The following USP4 variants were observed in gnomAD, a reference collection of about 807,000 sequenced individuals.
USP4 encodes ubiquitin carboxyl-terminal hydrolase 4.
In USP4, 72 loss-of-function variants were observed where a neutral mutation model predicts 118.2. The observed-to-expected ratio is 0.61, with a 90% CI of 0.50 to 0.74. The LOEUF (loss-of-function observed/expected upper bound fraction) is 0.74, where lower values mean the gene tolerates loss of function less well. Ranked by LOEUF, USP4 falls within the 30% of genes least tolerant of loss-of-function variation. USP4 has a pLI of 0.00. For synonymous variants in USP4, 415 were observed against 440.4 expected (o/e 0.94, Z 0.72); for missense variants, 1,037 against 1,185.7 (o/e 0.87, Z 1.84).
chr3:49,278,773 A>G (rs1448589074), intron 21 of USP4, 41 bp downstream of exon 21: 2 of 1,447,362 alleles, frequency 1.4e-6, no homozygotes, highest in Non-Finnish European at 1.9e-6. Context: ...GCTTTAATCC[A>G]TAACGACATG....
chr3:49,288,880 C>T (rs889648781), intron 15 of USP4, among the ~76,000 whole-genome samples: 5 of 152,036 alleles, frequency 3.3e-5, no homozygotes, highest in Non-Finnish European at 5.9e-5. Flanking sequence ...GAGGTTGAGG[C>T]AGATGGATTG....
At chr3:49,289,025 T>C (rs954658636) in intron 15 of USP4, among the ~76,000 whole-genome samples, 4 of 151,996 alleles carry the variant, frequency 2.6e-5, no homozygotes, top group African/African-American at 9.7e-5. Flanking sequence ...GTGGGAGGAT[T>C]GCTTGAACCC....
At chr3:49,325,892 G>A (rs1429317755) in intron 3 of USP4, 47 bp from the exon 4 acceptor site, 1 of 1,605,708 alleles carries the variant, frequency 6.2e-7, no homozygotes, top group Non-Finnish European at 8.5e-7. Context: ...TTGCAGCTGG[G>A]CAGTCTTGGA....
At chr3:49,284,672 A>G in intron 17 of USP4, 88 bp from the exon 18 acceptor site, 1 of 1,283,582 alleles carries the variant, frequency 7.8e-7, no homozygotes, top group Non-Finnish European at 1.1e-6. Flanking sequence ...TCCCACCTGG[A>G]ATGTAGTACA....
At chr3:49,314,742 C>T (rs2047418651) in intron 6 of USP4, among the ~76,000 whole-genome samples, 1 of 152,092 alleles carries the variant, frequency 6.6e-6, no homozygotes, top group Non-Finnish European at 1.5e-5. Context: ...GGGCAAAAAT[C>T]GGCCGGGCCT....
intron 6 of USP4, chr3:49,316,828 G>C (rs556830691): frequency 1.8e-6 from 1 of 544,448 alleles, no homozygotes; most frequent in African/African-American, 1.9e-5. Flanking sequence ...CAGGAGTGTG[G>C]GTGCCGCAGA....
rs749621258 is a variant in USP4 at position 49,324,976 on chromosome 3, C to T, written c.551G>A (p.Trp184Ter). The T allele has an allele frequency of 5.0e-6, 8 of 1,613,912 alleles. No homozygotes were observed. The highest frequency in any genetic ancestry group is 6.8e-6 in the Non-Finnish European group (8 of 1,180,018). The change falls in exon 5 of 22, where the codon TGG becomes TAG. Residue 184 changes from tryptophan (W) to a stop codon, truncating the protein, a stop_gained. Transcript: ENST00000265560. LOFTEE classifies it high-confidence loss of function. Reference protein sequence around the residue: ...NIPAERETRLWNKYMSNTYEQ... With the variant: ...NIPAERETRL Reference sequence around the variant, plus strand: ...GTAGGTGTTGCTCATGTATTTGTTCCAGAGCCGTGTTTCACGCTCCGCAGG... The same window carrying T: ...GTAGGTGTTGCTCATGTATTTGTTCTAGAGCCGTGTTTCACGCTCCGCAGG...
At chr3:49,286,816 CTCTATCTATCTATCTATCTATCTA>C (rs57920190) in intron 15 of USP4, among the ~76,000 whole-genome samples, 1 of 141,230 alleles carries the variant, frequency 7.1e-6, no homozygotes, top group Non-Finnish European at 1.5e-5. Flanking sequence ...ACTCTAGCCA[CTCTATCTATCTATCTATCTATCTA>C]TCTATCTATC....
intron 5 of USP4, 44 bp downstream of exon 5, chr3:49,324,850 C>G (rs1170965601): frequency 1.2e-6 from 2 of 1,613,988 alleles, no homozygotes; most frequent in Admixed American, 3.3e-5. Flanking sequence ...GGCCACACAC[C>G]CTGGGCAGAG....
At chr3:49,305,203 G>C (rs2047301433) in intron 9 of USP4, among the ~76,000 whole-genome samples, 1 of 148,780 alleles carries the variant, frequency 6.7e-6, no homozygotes, top group African/African-American at 2.5e-5. Flanking sequence ...CTCCCGAGTA[G>C]CTGGGACTAC....
At chr3:49,316,186 G>C (rs2047433696) in intron 6 of USP4, among the ~76,000 whole-genome samples, 1 of 152,092 alleles carries the variant, frequency 6.6e-6, no homozygotes, top group Non-Finnish European at 1.5e-5. Context: ...TGGGAAATGA[G>C]AGCGAGACTT....
At position 49,278,107 on chromosome 3, in the gene USP4, C is replaced by A; in HGVS notation, c.*186G>T. 1.5e-6 allele frequency: 1 copy of A among 652,370 alleles called. No individual in the cohort carries two copies. The highest frequency in any genetic ancestry group is 2.4e-6 in the Non-Finnish European group (1 of 416,672). 40.4% of individuals were successfully genotyped at this position (652,370 alleles called of 1,614,324 possible). A position where few individuals can be genotyped will look rare whatever the true frequency, so the allele number is the denominator to read the frequency against. On this transcript the variant is annotated 3_prime_UTR_variant, in exon 22 of 22. Coordinates refer to ENST00000265560, the MANE Select transcript of USP4 (RefSeq NM_003363.4). ...CTGTTTAAAAATAAAAATAATTCAG[C>A]CTCTTGACATAGCTTCTTCTAGGTA...
intron 15 of USP4, among the ~76,000 whole-genome samples, chr3:49,289,724 A>G (rs1362804380): frequency 6.6e-6 from 1 of 151,862 alleles, no homozygotes; most frequent in Non-Finnish European, 1.5e-5. Context: ...TACAAAAATT[A>G]GCCGGGCATG....
At chr3:49,306,644 CTCA>C (rs981243159) in intron 8 of USP4, among the ~76,000 whole-genome samples, 4 of 152,046 alleles carry the variant, frequency 2.6e-5, no homozygotes, top group Non-Finnish European at 4.4e-5. Flanking sequence ...AACTATAAAA[CTCA>C]TCATTATCCT....
chr3:49,288,304 T>C (rs1307238847), intron 15 of USP4, among the ~76,000 whole-genome samples: 1 of 152,224 alleles, frequency 6.6e-6, no homozygotes, highest in Admixed American at 6.5e-5. Context: ...AACTCTGTCC[T>C]GGCCCATGCC....
chr3:49,339,901 G>A, intron 1 of USP4, 23 bp downstream of exon 1: 2 of 1,605,422 alleles, frequency 1.2e-6, no homozygotes, highest in Non-Finnish European at 1.7e-6. Flanking sequence ...TCTGCATAGA[G>A]GAAGAGCGAG....
At chr3:49,283,850 A>C in intron 19 of USP4, 137 bp downstream of exon 19, 1 of 1,007,892 alleles carries the variant, frequency 9.9e-7, no homozygotes, top group Non-Finnish European at 1.5e-6. Context: ...AACTACAGCT[A>C]AACTCTGACC....
At chr3:49,304,226 A>G (rs1194013582) in intron 9 of USP4, among the ~76,000 whole-genome samples, 1 of 152,124 alleles carries the variant, frequency 6.6e-6, no homozygotes, top group Non-Finnish European at 1.5e-5. Context: ...TCCTCTCTGA[A>G]TCATAAATAT....
intron 15 of USP4, among the ~76,000 whole-genome samples, chr3:49,288,482 C>T (rs1233671213): frequency 6.6e-6 from 1 of 152,126 alleles, no homozygotes; most frequent in Non-Finnish European, 1.5e-5. Context: ...TAAGACCAGC[C>T]TGAGCAACAT....
Sources: gnomAD v4.1 joint callset for allele counts (sites outside exome capture counted in the v4.1 genomes callset) on GRCh38, gnomAD v4.1.1 for gene constraint, MANE v1.5 for transcripts, NCBI Gene and HGNC (gene_info 2026-07-23, HGNC 2026-07-21) for gene names.